LYPD4: variants seen among roughly 807,000 people sequenced by gnomAD.
LYPD4 encodes LY6/PLAUR domain containing 4.
LYPD4 carries 20 observed loss-of-function variants against 18.2 expected under a neutral mutation model. The observed-to-expected ratio is 1.10, with a 90% CI of 0.77 to 1.59. The LOEUF (loss-of-function observed/expected upper bound fraction) is 1.59, where lower values mean the gene tolerates loss of function less well. Among genes scored for constraint, LYPD4 ranks in the 40% most tolerant of loss-of-function variants. The pLI, the probability that LYPD4 is intolerant of heterozygous loss-of-function variation, is 0.00. For synonymous variants in LYPD4, 111 were observed against 118.3 expected (o/e 0.94, Z 0.40); for missense variants, 278 against 300.3 (o/e 0.93, Z 0.55).
rs1439067212 is a variant in LYPD4 at position 41,839,040 on chromosome 19, T to A, written c.68-16A>T. The A allele has an allele frequency of 6.8e-6, 11 of 1,612,630 alleles. No homozygotes were observed. The African/African-American group carries it at 1.3e-4, about 20-fold the overall frequency. Reference sequence around the variant, plus strand: ...GCTCCAGCCCCTAAAAAGAGAATGCTCTCCCAGTCATTGGCCCCTCATATC... The same window carrying A: ...GCTCCAGCCCCTAAAAAGAGAATGCACTCCCAGTCATTGGCCCCTCATATC... On this transcript the variant is annotated splice_polypyrimidine_tract_variant and intron_variant, in intron 2 of 4. Transcript: ENST00000609812.
chr19:41,841,570 G>A (rs1354032709), intron 1 of LYPD4, among the ~76,000 whole-genome samples: 4 of 151,296 alleles, frequency 2.6e-5, no homozygotes, highest in Non-Finnish European at 4.4e-5. Flanking sequence ...GGAGGCTGAG[G>A]AGGGAGGATC....
downstream of LYPD4, chr19:41,837,056 G>T: frequency 6.3e-7 from 1 of 1,583,620 alleles, no homozygotes; most frequent in South Asian, 1.1e-5. Context: ...GCTCTCTCAT[G>T]GACCACAGGA....
chr19:41,837,126 C>T lies in LYPD4; in HGVS notation c.*17G>A, dbSNP rs782337276. On this transcript the variant is annotated 3_prime_UTR_variant, in exon 5 of 5. Transcript: ENST00000609812. The stretch of plus-strand genomic sequence containing the variant: ...TATGTGAAAGAGTCTGGGTGCTTGT[C>T]GGGTGCAGCTAGATGGTCAGTCCCT... The T allele has an allele frequency of 1.4e-5, 22 of 1,613,298 alleles. No homozygotes were observed. The highest frequency in any genetic ancestry group is 4.0e-5 in the African/African-American group (3 of 74,874).
chr19:41,839,569 C>T (rs146676575), intron 1 of LYPD4, 164 bp from the exon 2 acceptor site: 1 of 475,586 alleles, frequency 2.1e-6, no homozygotes, highest in Non-Finnish European at 3.8e-6. Flanking sequence ...TTAGGTCCTC[C>T]CATTGGACAA....
At chr19:41,836,180 A>G (rs559194297), downstream of LYPD4, among the ~76,000 whole-genome samples, 5 of 151,392 alleles carry the variant, frequency 3.3e-5, no homozygotes, top group South Asian at 1.0e-3. Flanking sequence ...TGGCCAGAGA[A>G]AAGAATCACA....
downstream of LYPD4, chr19:41,835,147 T>G (rs782701900): frequency 5.3e-5 from 8 of 152,136 alleles, no homozygotes; most frequent in Non-Finnish European, 1.0e-4. Flanking sequence ...AAAAATCCAA[T>G]CCAAGCCAAA....
In LYPD4 at chr19:41,838,082, T is replaced by A. The variant is rs1266361385; in HGVS notation, c.391A>T (p.Thr131Ser). 6.2e-7 allele frequency: 1 copy of A among 1,613,716 alleles called. No individual in the cohort carries two copies. Among genetic ancestry groups the A allele is most frequent in the Non-Finnish European group, 8.5e-7 (1 of 1,179,846 alleles). ...LEPFVKLKAS[T>S]PKSITSASCS... ...GACGCAGATGTGATAGACTTAGGAG[T>A]GCTGGCCTTGAGTTTCACAAAAGGC... The change falls in exon 4 of 5, where the codon ACT becomes TCT. Residue 131 changes from threonine (T) to serine (S), a missense_variant. Coordinates refer to ENST00000609812, the MANE Select transcript of LYPD4 (RefSeq NM_173506.7).
intron 1 of LYPD4, among the ~76,000 whole-genome samples, chr19:41,840,347 A>G (rs1259189336): frequency 2.6e-5 from 4 of 152,002 alleles, no homozygotes; most frequent in African/African-American, 9.7e-5. Context: ...GGACCACTTG[A>G]GCCCCGGGGA....
At chr19:41,842,764 C>CAAAAAAAAAAAAAAA (rs782233081) in intron 1 of LYPD4, among the ~76,000 whole-genome samples, 2 of 49,766 alleles carry the variant, frequency 4.0e-5, no homozygotes, top group Non-Finnish European at 3.2e-5. Context: ...TCCGTCTAAA[C>CAAAAAAAAAAAAAAA]AAAAAAAAAA....
chr19:41,838,897 T>C lies in LYPD4; in HGVS notation c.195A>G (p.Leu65=). 3 of 1,613,956 alleles carry C rather than the reference T, an allele frequency of 1.9e-6. No homozygotes were observed. Among genetic ancestry groups the C allele is most frequent in the Non-Finnish European group, 2.5e-6 (3 of 1,180,006 alleles). Reference sequence around the variant, plus strand: ...CTGCTTCACCTGTCTCAATGAACACTAGCGTCTCCTCGCAGCCCTCTTGCA... The same window carrying C: ...CTGCTTCACCTGTCTCAATGAACACCAGCGTCTCCTCGCAGCCCTCTTGCA... ...CKLQEGCEET[L]VFIETGTARG... Residue 65 remains leucine, a synonymous_variant, in exon 3 of 5, where the codon CTA becomes CTG. Transcript: ENST00000609812.
At chr19:41,837,065 G>A, downstream of LYPD4, 1 of 1,598,732 alleles carries the variant, frequency 6.3e-7, no homozygotes, top group South Asian at 1.1e-5. Flanking sequence ...TGGACCACAG[G>A]ACAATGCAGA....
At chr19:41,839,680 T>TGTGTGTGTG (rs60674548) in intron 1 of LYPD4, 2,932 of 213,540 alleles carry the variant, frequency 0.014, 242 homozygotes, top group Admixed American at 0.017. Context: ...CTCGTGTGTG[T>TGTGTGTGTG]TGTGTGTGTG....
At chr19:41,842,815 T>C (rs1600565880) in intron 1 of LYPD4, among the ~76,000 whole-genome samples, 1 of 115,598 alleles carries the variant, frequency 8.7e-6, no homozygotes, top group South Asian at 2.6e-4. Context: ...CATGACAGAA[T>C]GACAGAATGT....
At chr19:41,842,669 A>C (rs967037409) in intron 1 of LYPD4, among the ~76,000 whole-genome samples, 2 of 148,780 alleles carry the variant, frequency 1.3e-5, no homozygotes, top group Non-Finnish European at 3.0e-5. Flanking sequence ...GTGGCAGCAG[A>C]AGAATTGCTT....
At chr19:41,838,326 C>A (rs1278896657) in intron 3 of LYPD4, 65 bp from the exon 4 acceptor site, 4 of 1,370,588 alleles carry the variant, frequency 2.9e-6, no homozygotes, top group Non-Finnish European at 3.8e-6. Flanking sequence ...GTCCTCCCTC[C>A]CCCCAGCTCT....
chr19:41,841,835 T>C (rs1248111803), intron 1 of LYPD4, among the ~76,000 whole-genome samples: 1 of 152,134 alleles, frequency 6.6e-6, no homozygotes, highest in Non-Finnish European at 1.5e-5. Context: ...CTGATGCTCA[T>C]GGCATTATTT....
In LYPD4 at chr19:41,838,279, G is replaced by T. The variant is rs1402927653; in HGVS notation, c.212-18C>A. On this transcript the variant is annotated intron_variant, in intron 3 of 4. Transcript: ENST00000609812. Reference sequence around the variant, plus strand: ...TGCAGTCCCTGAGGAGCAGAGGATTGAGAGAGCTCAGATCAGTGTCACTGG... The same window carrying T: ...TGCAGTCCCTGAGGAGCAGAGGATTTAGAGAGCTCAGATCAGTGTCACTGG... 6.6e-7 allele frequency: 1 copy of T among 1,512,384 alleles called. No homozygotes were observed. The highest frequency in any genetic ancestry group is 8.8e-7 in the Non-Finnish European group (1 of 1,131,122). The allele number at this position is 1,512,384 out of a possible 1,614,324, so 93.7% of individuals were successfully genotyped here. A position where few individuals can be genotyped will look rare whatever the true frequency, so the allele number is the denominator to read the frequency against.
At position 41,837,982 on chromosome 19, in the gene LYPD4, G is replaced by C. The variant is rs781930304; in HGVS notation, c.491C>G (p.Pro164Arg). ...LPNFVTTNSC[P>R]LAASTCYSST... ...ACTGTAACACGTAGAAGCAGCCAAG[G>C]GGCAAGAATTAGTGGTGACAAAATT... The change falls in exon 4 of 5, where the codon CCC (proline) becomes CGC (arginine). Residue 164 changes from proline (P) to arginine (R), a missense_variant. Physicochemically the swap from Pro to Arg is moderately radical, Grantham distance 103. Coordinates refer to ENST00000609812, the MANE Select transcript of LYPD4 (RefSeq NM_173506.7). 6 of 1,613,890 alleles carry C rather than the reference G, an allele frequency of 3.7e-6. No individual in the cohort carries two copies. The South Asian group carries it at 5.5e-5, about 15-fold the overall frequency.
chr19:41,841,978 C>G (rs2073610062), intron 1 of LYPD4, among the ~76,000 whole-genome samples: 1 of 152,188 alleles, frequency 6.6e-6, no homozygotes, highest in Non-Finnish European at 1.5e-5. Context: ...TTTATAAATA[C>G]CCATTTCCAG....
Sources: gnomAD v4.1 joint callset for allele counts (sites outside exome capture counted in the v4.1 genomes callset) on GRCh38, gnomAD v4.1.1 for gene constraint, MANE v1.5 for transcripts, NCBI Gene and HGNC (gene_info 2026-07-23, HGNC 2026-07-21) for gene names.